The following SLC39A14 variants were observed in gnomAD, a reference collection of about 807,000 sequenced individuals.
SLC39A14 encodes solute carrier family 39 member 14.
A neutral mutation model predicts 45.5 loss-of-function variants in SLC39A14; 19 were observed. The observed-to-expected ratio is 0.42, with a 90% confidence interval of 0.29 to 0.61. SLC39A14 has a LOEUF of 0.61. Among genes scored for constraint, SLC39A14 ranks in the 20% least tolerant of loss-of-function variants. The pLI is 0.22. For missense variants in SLC39A14, 447 were observed against 616.5 expected, an observed-to-expected ratio of 0.73 and a Z score of 2.91; for synonymous variants, 264 against 251.3, an observed-to-expected ratio of 1.05 and a Z score of -0.48.
Position 22,421,000 on chromosome 8 carries a change from A to T in SLC39A14, c.*1302A>T, listed in dbSNP as rs1836194146. 1 of 985,922 alleles carries T rather than the reference A, an allele frequency of 1.0e-6. No individual in the cohort carries two copies. Among genetic ancestry groups the T allele is most frequent in the African/African-American group, 1.7e-5 (1 of 57,372 alleles). 61.1% of individuals were successfully genotyped at this position (985,922 alleles called of 1,614,324 possible). A position where few individuals can be genotyped will look rare whatever the true frequency, so the allele number is the denominator to read the frequency against. On this transcript the variant is annotated 3_prime_UTR_variant, in exon 9 of 9. Coordinates refer to ENST00000381237, the MANE Select transcript of SLC39A14 (RefSeq NM_001128431.4). ...GTCTTTAAAACTGTAGGCCAGCCTT[A>T]GCCACTGTGGAGCCCTTGCCTCCGA...
downstream of SLC39A14, among the ~76,000 whole-genome samples, chr8:22,425,969 G>A (rs1029222039): frequency 1.4e-5 from 2 of 147,280 alleles, no homozygotes; most frequent in Admixed American, 7.2e-5. Flanking sequence ...TCGGCTCACC[G>A]CAACCTCCAC....
chr8:22,417,998 G>T (rs535317220), intron 8 of SLC39A14, among the ~76,000 whole-genome samples, 163 bp downstream of exon 8: 30 of 152,144 alleles, frequency 2.0e-4, no homozygotes, highest in African/African-American at 6.7e-4. Context: ...CGCGTCCCGG[G>T]TTCAAGTGAT....
At chr8:22,432,458 T>TTCTC (rs545158574) in intron 8 of SLC39A14, among the ~76,000 whole-genome samples, 1 of 150,794 alleles carries the variant, frequency 6.6e-6, no homozygotes, top group African/African-American at 2.4e-5. Flanking sequence ...TCCTTCCTTT[T>TTCTC]TCTCTCTCTC....
At chr8:22,410,814 C>A (rs1835525457) in intron 3 of SLC39A14, among the ~76,000 whole-genome samples, 1 of 152,132 alleles carries the variant, frequency 6.6e-6, no homozygotes, top group African/African-American at 2.4e-5. Flanking sequence ...AAAAATAAGG[C>A]CCAAGTTGAC....
intron 1 of SLC39A14, among the ~76,000 whole-genome samples, chr8:22,400,093 G>C (rs112109097): frequency 6.6e-6 from 1 of 151,616 alleles, no homozygotes; most frequent in Non-Finnish European, 1.5e-5. Flanking sequence ...TCTGCACAGA[G>C]ACACGCAGGA....
intron 1 of SLC39A14, among the ~76,000 whole-genome samples, chr8:22,381,916 G>A (rs1032954115): frequency 1.3e-5 from 2 of 152,184 alleles, no homozygotes; most frequent in African/African-American, 4.8e-5. Context: ...CGAGGCAGGT[G>A]GATCACCTGA....
At chr8:22,371,843 C>G (rs963127069) in intron 1 of SLC39A14, among the ~76,000 whole-genome samples, 3 of 151,152 alleles carry the variant, frequency 2.0e-5, no homozygotes, top group South Asian at 2.1e-4. Context: ...CTCCCGGGTT[C>G]AAGCCATTCT....
intron 1 of SLC39A14, among the ~76,000 whole-genome samples, chr8:22,373,743 G>A (rs374837558): frequency 6.6e-6 from 1 of 151,254 alleles, no homozygotes. Flanking sequence ...TATTCTTCAG[G>A]GTTTTTTGTT....
rs374855893 is a variant in SLC39A14 at position 22,416,347 on chromosome 8, C to T, written c.1147+67C>T. ...GTGGTGTAGGCCCCCTTCCTGTGGC[C>T]GGTTCCTTGCTCCCATCTCCCTGTC... On this transcript the variant is annotated intron_variant, in intron 7 of 8. Transcript: ENST00000381237. The T allele has an allele frequency of 1.2e-5, 16 of 1,345,250 alleles. No individual in the cohort carries two copies. In the South Asian group the frequency reaches 1.3e-4, roughly 11 times the overall value. 83.3% of individuals were successfully genotyped at this position (1,345,250 alleles called of 1,614,324 possible).
rs530947995 is a variant in SLC39A14 at position 22,367,307 on chromosome 8, C to G, written c.-117C>G. On this transcript the variant is annotated 5_prime_UTR_variant, in exon 1 of 9. Transcript: ENST00000381237. The surrounding 1 kb of genome is among the most constrained non-coding windows in gnomAD (Gnocchi z 4.2). Reference sequence around the variant, plus strand: ...GGACGCAGTGAGGGGGGTCGGCGCGCGTGTCTACGCGGACGCACCGGCTAA... The same window carrying G: ...GGACGCAGTGAGGGGGGTCGGCGCGGGTGTCTACGCGGACGCACCGGCTAA... 1.3e-5 allele frequency: 2 copies of G among 151,690 alleles called. No homozygotes were observed. The highest frequency in any genetic ancestry group is 6.6e-5 in the Admixed American group (1 of 15,206). The allele number at this position is 151,690 out of a possible 1,614,324, so 9.4% of individuals were successfully genotyped here. A position where few individuals can be genotyped will look rare whatever the true frequency, so the allele number is the denominator to read the frequency against.
intron 4 of SLC39A14, among the ~76,000 whole-genome samples, chr8:22,412,706 G>A (rs1835647384): frequency 6.6e-6 from 1 of 152,200 alleles, no homozygotes; most frequent in South Asian, 2.1e-4. Context: ...CACTTTGGGA[G>A]GCTGAGGCAG....
At chr8:22,405,088 A>G in intron 2 of SLC39A14, 108 bp downstream of exon 2, 1 of 988,488 alleles carries the variant, frequency 1.0e-6, no homozygotes, top group Non-Finnish European at 1.5e-6. Context: ...CAGAGGTAGG[A>G]TGAGGCAGAC....
chr8:22,404,923 G>A lies in SLC39A14; in HGVS notation c.213G>A (p.Val71=). 6.2e-7 allele frequency: 1 copy of A among 1,614,188 alleles called. No homozygotes were observed. Among genetic ancestry groups the A allele is most frequent in the East Asian group, 2.2e-5 (1 of 44,884 alleles). ...AGGCCCTACTCAACCACCTGGATGT[G>A]GGAGTGGGCCGGGGTAATGTCACCC... is the stretch of plus-strand genomic sequence containing the variant. ...QLKALLNHLD[V]GVGRGNVTQH... The change falls in exon 2 of 9, where the codon GTG becomes GTA. Residue 71 remains valine (V), a synonymous_variant. Coordinates refer to ENST00000381237, the MANE Select transcript of SLC39A14 (RefSeq NM_001128431.4).
chr8:22,373,693 A>C (rs1286108921), intron 1 of SLC39A14, among the ~76,000 whole-genome samples: 1 of 152,024 alleles, frequency 6.6e-6, no homozygotes, highest in Non-Finnish European at 1.5e-5. Flanking sequence ...GAGATCACTT[A>C]GCTTAAATTT....
intron 1 of SLC39A14, among the ~76,000 whole-genome samples, chr8:22,373,086 A>C (rs1346326280): frequency 6.6e-6 from 1 of 151,986 alleles, no homozygotes; most frequent in East Asian, 1.9e-4. Flanking sequence ...ACATGGTGAA[A>C]CCTCGTCTCT....
chr8:22,414,292 A>G (rs2132351943), intron 4 of SLC39A14, among the ~76,000 whole-genome samples: 1 of 152,262 alleles, frequency 6.6e-6, no homozygotes, highest in South Asian at 2.1e-4. Context: ...CGGTTAGGAA[A>G]ACGCTGCAGT....
chr8:22,388,367 G>GTGGA (rs1398327442), intron 1 of SLC39A14, among the ~76,000 whole-genome samples: 2 of 152,266 alleles, frequency 1.3e-5, no homozygotes, highest in East Asian at 3.9e-4. Context: ...GGGGAGGAGT[G>GTGGA]TGGAGATAGA....
downstream of SLC39A14, among the ~76,000 whole-genome samples, chr8:22,426,935 A>G (rs1836396916): frequency 6.6e-6 from 1 of 151,496 alleles, no homozygotes; most frequent in Non-Finnish European, 1.5e-5. Context: ...TCCACCCACT[A>G]TGGCCTCCCA....
chr8:22,373,003 C>A (rs1833014797), intron 1 of SLC39A14, among the ~76,000 whole-genome samples: 1 of 152,044 alleles, frequency 6.6e-6, no homozygotes, highest in African/African-American at 2.4e-5. Context: ...GTGACTCACA[C>A]CTATAATCCC....
Sources: gnomAD v4.1 joint callset for allele counts (sites outside exome capture counted in the v4.1 genomes callset) on GRCh38, gnomAD v4.1.1 for gene constraint, Gnocchi (gnomAD v3.1) non-coding constraint, MANE v1.5 for transcripts, NCBI Gene and HGNC (gene_info 2026-07-23, HGNC 2026-07-21) for gene names.